Variants in IFTAP observed in about 807,000 individuals in gnomAD.
IFTAP encodes intraflagellar transport associated protein, also known as intraflagellar transport-associated protein.
IFTAP carries 19 observed loss-of-function variants against 19.4 expected under a neutral mutation model. That is an observed-to-expected ratio of 0.98 (90% CI 0.68 to 1.44). The LOEUF (loss-of-function observed/expected upper bound fraction) is 1.44. Ranked by LOEUF, IFTAP falls within the 40% of genes most tolerant of loss-of-function variation. The probability of loss-of-function intolerance (pLI) is 0.00; values close to 1 mark genes in which losing one functional copy is unlikely to be tolerated. For missense variants in IFTAP, 240 were observed against 253.6 expected (o/e 0.95, Z 0.36); for synonymous variants, 85 against 83.5 (o/e 1.02, Z -0.10).
chr11:36,634,535 AG>A (rs1335028104), intron 3 of IFTAP, among the ~76,000 whole-genome samples: 20 of 152,278 alleles, frequency 1.3e-4, no homozygotes, highest in African/African-American at 4.3e-4. Context: ...TATCATCTGA[AG>A]GGCTACAAGA....
At chr11:36,603,134 C>A (rs1851569032) in intron 1 of IFTAP, among the ~76,000 whole-genome samples, 1 of 152,048 alleles carries the variant, frequency 6.6e-6, no homozygotes, top group South Asian at 2.1e-4. Context: ...GAAGAGTATA[C>A]TTGGGGAAAT....
intron 1 of IFTAP, among the ~76,000 whole-genome samples, chr11:36,608,333 A>G (rs1244237347): frequency 6.6e-6 from 1 of 152,226 alleles, no homozygotes; most frequent in Non-Finnish European, 1.5e-5. Flanking sequence ...TGATAAATGT[A>G]TAAAGGAAAA....
chr11:36,640,266 G>A (rs1031283242), intron 4 of IFTAP, among the ~76,000 whole-genome samples: 1 of 150,522 alleles, frequency 6.6e-6, no homozygotes, highest in Admixed American at 6.6e-5. Context: ...CAAGTTTGTG[G>A]CACCAAATTA....
At chr11:36,631,662 T>G (rs939358750) in intron 2 of IFTAP, among the ~76,000 whole-genome samples, 1 of 151,232 alleles carries the variant, frequency 6.6e-6, no homozygotes, top group Non-Finnish European at 1.5e-5. Context: ...CCTAAGGAAC[T>G]CACAGATAAA....
chr11:36,625,640 A>G (rs2133429090), intron 2 of IFTAP, among the ~76,000 whole-genome samples: 1 of 152,276 alleles, frequency 6.6e-6, no homozygotes, highest in Admixed American at 6.5e-5. Context: ...ATGTTTGTTG[A>G]ATATCTACTA....
intron 2 of IFTAP, among the ~76,000 whole-genome samples, chr11:36,616,154 C>T (rs1852078861): frequency 6.6e-6 from 1 of 151,958 alleles, no homozygotes; most frequent in Admixed American, 6.6e-5. Context: ...CTCTCTTTCT[C>T]TCTCTCACAT....
intron 3 of IFTAP, among the ~76,000 whole-genome samples, chr11:36,635,464 C>G (rs570123671): frequency 3.3e-5 from 5 of 152,058 alleles, no homozygotes; most frequent in African/African-American, 1.2e-4. Context: ...GGTCATTTGC[C>G]CTGCTTTTTA....
intron 4 of IFTAP, 31 bp downstream of exon 4, chr11:36,636,148 T>C: frequency 4.6e-6 from 7 of 1,525,298 alleles, no homozygotes; most frequent in Non-Finnish European, 6.4e-6. Flanking sequence ...CTATACTACC[T>C]GACCTCTTTC....
At chr11:36,644,035 A>G (rs1020980946) in intron 4 of IFTAP, among the ~76,000 whole-genome samples, 5 of 152,232 alleles carry the variant, frequency 3.3e-5, no homozygotes, top group African/African-American at 1.2e-4. Flanking sequence ...GCACAGCAAA[A>G]GAAACTACCA....
At chr11:36,613,750 A>AAG (rs1851956396) in intron 2 of IFTAP, among the ~76,000 whole-genome samples, 1 of 152,044 alleles carries the variant, frequency 6.6e-6, no homozygotes, top group Non-Finnish European at 1.5e-5. Context: ...CTGAAACTGA[A>AAG]AGATGTTAAA....
At chr11:36,642,483 G>C (rs2133488638) in intron 4 of IFTAP, among the ~76,000 whole-genome samples, 2 of 152,274 alleles carry the variant, frequency 1.3e-5, no homozygotes, top group Admixed American at 1.3e-4. Flanking sequence ...TAGGAAAAGA[G>C]GAAATCCTCC....
At chr11:36,634,953 C>T (rs111273171) in intron 3 of IFTAP, among the ~76,000 whole-genome samples, 57 of 151,502 alleles carry the variant, frequency 3.8e-4, no homozygotes, top group African/African-American at 1.2e-3. Context: ...TTAGCATACA[C>T]CACTAAGTAA....
At chr11:36,624,987 G>A (rs1852455538) in intron 2 of IFTAP, among the ~76,000 whole-genome samples, 1 of 152,064 alleles carries the variant, frequency 6.6e-6, no homozygotes, top group East Asian at 1.9e-4. Context: ...AGAGTCTATT[G>A]TCCTATAGAT....
chr11:36,595,206 A>G (rs1404948029), intron 1 of IFTAP: 3 of 152,206 alleles, frequency 2.0e-5, no homozygotes, highest in African/African-American at 7.2e-5. Context: ...CTAGGAAAAT[A>G]GAGTTAGTGG....
At chr11:36,606,135 T>C (rs1478469338) in intron 1 of IFTAP, among the ~76,000 whole-genome samples, 1 of 152,218 alleles carries the variant, frequency 6.6e-6, no homozygotes, top group Non-Finnish European at 1.5e-5. Flanking sequence ...AATGACAGTT[T>C]GTGAAACTGC....
At chr11:36,622,816 T>G (rs1400612094) in intron 2 of IFTAP, among the ~76,000 whole-genome samples, 2 of 152,186 alleles carry the variant, frequency 1.3e-5, no homozygotes, top group African/African-American at 4.8e-5. Flanking sequence ...ATGTAAAATA[T>G]TGTCTACAGT....
chr11:36,598,583 T>G (rs1452383214), intron 1 of IFTAP, among the ~76,000 whole-genome samples: 2 of 152,220 alleles, frequency 1.3e-5, no homozygotes, highest in African/African-American at 2.4e-5. Flanking sequence ...ATTTTAACTT[T>G]GAGGTACTCT....
intron 2 of IFTAP, among the ~76,000 whole-genome samples, chr11:36,626,944 A>G (rs1852537948): frequency 6.6e-6 from 1 of 151,290 alleles, no homozygotes; most frequent in East Asian, 1.9e-4. Flanking sequence ...AAACACTCCA[A>G]ATGTTTATCA....
intron 5 of IFTAP, among the ~76,000 whole-genome samples, chr11:36,654,737 G>C (rs1853904633): frequency 6.6e-6 from 1 of 151,716 alleles, no homozygotes; most frequent in Non-Finnish European, 1.5e-5. Context: ...TTCCCTTTCT[G>C]CATTCTTCCT....
Sources: gnomAD v4.1 joint callset for allele counts (sites outside exome capture counted in the v4.1 genomes callset) on GRCh38, gnomAD v4.1.1 for gene constraint, MANE v1.5 for transcripts, NCBI Gene and HGNC (gene_info 2026-07-23, HGNC 2026-07-21) for gene names.